BCL9: variants seen among roughly 807,000 people sequenced by gnomAD.
The protein encoded by BCL9 is BCL9 transcription coactivator.
BCL9 carries 25 observed loss-of-function variants against 88.5 expected under a neutral mutation model. The observed-to-expected ratio is 0.28, with a 90% CI of 0.21 to 0.39. The LOEUF (loss-of-function observed/expected upper bound fraction) is 0.39. Among genes scored for constraint, BCL9 ranks in the 10% least tolerant of loss-of-function variants. The probability of loss-of-function intolerance (pLI) is 1.00; values close to 1 mark genes in which losing one functional copy is unlikely to be tolerated. For synonymous variants in BCL9, 711 were observed against 673.3 expected (o/e 1.06, Z -0.87); for missense variants, 1,817 against 1,877.8 (o/e 0.97, Z 0.60).
intron 1 of BCL9, among the ~76,000 whole-genome samples, chr1:147,578,416 A>C (rs1185627789): frequency 2.0e-5 from 3 of 152,228 alleles, no homozygotes; most frequent in African/African-American, 7.2e-5. Context: ...GGAAAAATAA[A>C]ATTACCTTGA....
chr1:147,624,421 C>A lies in BCL9; in HGVS notation c.3743C>A (p.Thr1248Lys). ...RIIPSEKPSQTLQYFPRGEVP... is the reference protein window; with the variant it reads ...RIIPSEKPSQKLQYFPRGEVP... ...ATTCCATCTGAGAAGCCCAGCCAGA[C>A]GCTGCAATATTTCCCTCGAGGGGAA... is the stretch of plus-strand genomic sequence containing the variant. The change falls in exon 10 of 10, where the codon ACG becomes AAG. Residue 1248 changes from threonine (T) to lysine (K), a missense_variant. Thr to Lys is a moderately conservative substitution (Grantham distance 78). Transcript: ENST00000234739. The surrounding 1 kb of genome is among the most constrained non-coding windows in gnomAD (Gnocchi z 4.4). 6.2e-7 allele frequency: 1 copy of A among 1,614,228 alleles called. No individual in the cohort carries two copies. Among genetic ancestry groups the A allele is most frequent in the Non-Finnish European group, 8.5e-7 (1 of 1,180,036 alleles).
At chr1:147,548,434 T>G (rs1553194480) in intron 1 of BCL9, among the ~76,000 whole-genome samples, 2 of 152,196 alleles carry the variant, frequency 1.3e-5, no homozygotes, top group African/African-American at 2.4e-5. Flanking sequence ...CTCCAGCTGC[T>G]CCTTTCAAGA....
intron 9 of BCL9, among the ~76,000 whole-genome samples, chr1:147,622,770 T>C (rs1658710012): frequency 6.6e-6 from 1 of 152,222 alleles, no homozygotes; most frequent in African/African-American, 2.4e-5. Context: ...CTGATGCTTC[T>C]GTGTACCTGG....
At chr1:147,589,387 A>G (rs1214594187) in intron 1 of BCL9, among the ~76,000 whole-genome samples, 2 of 152,276 alleles carry the variant, frequency 1.3e-5, no homozygotes, top group East Asian at 1.9e-4. Flanking sequence ...TAAGTGTATG[A>G]TCTATTGATT....
chr1:147,568,475 C>CAAA (rs1180450905), intron 1 of BCL9, among the ~76,000 whole-genome samples: 41 of 34,700 alleles, frequency 1.2e-3, no homozygotes, highest in South Asian at 1.8e-3. Flanking sequence ...AAAGAAAAAG[C>CAAA]AAAAAAGAAA....
rs1164543246 is a variant in BCL9, at chr1:147,559,606, G to T, written c.-478+17932G>T. 2.6e-5 allele frequency among the ~76,000 whole-genome samples: 4 copies of T among 152,280 alleles called. No homozygotes were observed. The South Asian group carries it at 6.2e-4, about 24-fold the overall frequency. ...CTCTGTCGTGGTTGTACCCATTGTG[G>T]ATTACCTTGATGAAATGCAGAGATG... On this transcript the variant is annotated intron_variant, in intron 1 of 9. Transcript: ENST00000234739.
Position 147,612,963 on chromosome 1 carries a change from A to C in BCL9, c.134A>C (p.Lys45Thr), listed in dbSNP as rs782013659. 1 of 1,613,302 alleles carries C rather than the reference A, an allele frequency of 6.2e-7. No individual in the cohort carries two copies. Among genetic ancestry groups the C allele is most frequent in the East Asian group, 2.2e-5 (1 of 44,878 alleles). ...TCTGGAAACCCCCAGCTGGATTCCA[A>C]ATTCTCCAATCAGGGTAAACAGGGG... ...SPSGNPQLDS[K>T]FSNQGKQGGS... The change falls in exon 5 of 10, where the codon AAA (lysine) becomes ACA (threonine). Residue 45 changes from lysine (K) to threonine (T), a missense_variant. Transcript: ENST00000234739.
At position 147,614,604 on chromosome 1, in the gene BCL9, A is replaced by C; in HGVS notation, c.548A>C (p.Glu183Ala). 1 of 1,611,790 alleles carries C rather than the reference A, an allele frequency of 6.2e-7. No homozygotes were observed. Reference protein sequence around the residue: ...PAKVVYVFSTEMANKAAEAVL... With the variant: ...PAKVVYVFSTAMANKAAEAVL... The stretch of plus-strand genomic sequence containing the variant: ...AAAGTGGTGTACGTGTTTTCTACTG[A>C]GATGGCCAATAAGTAAGTTGATGGC... The change falls in exon 6 of 10, where the codon GAG becomes GCG. Residue 183 changes from glutamate (E) to alanine (A), a missense_variant. By Grantham distance (107) the Glu-to-Ala change is moderately radical. Around this residue, in one of 2 missense-constraint regions of BCL9, gnomAD observed 1,228 missense variants for 1,191.6 expected, o/e 1.03. Coordinates refer to ENST00000234739, the MANE Select transcript of BCL9 (RefSeq NM_004326.4).
intron 9 of BCL9, 67 bp downstream of exon 9, chr1:147,622,598 T>C: frequency 6.3e-7 from 1 of 1,583,386 alleles, no homozygotes; most frequent in Non-Finnish European, 8.6e-7. Context: ...TGAAGCGTTT[T>C]CTCAATGGCT....
At chr1:147,602,418 G>C (rs1437168687) in intron 1 of BCL9, among the ~76,000 whole-genome samples, 1 of 151,972 alleles carries the variant, frequency 6.6e-6, no homozygotes. Flanking sequence ...CACCATGTTG[G>C]CCAGGCTGGT....
intron 1 of BCL9, among the ~76,000 whole-genome samples, chr1:147,551,853 A>T (rs1449050616): frequency 6.6e-6 from 1 of 152,226 alleles, no homozygotes; most frequent in Admixed American, 6.5e-5. Context: ...AGCAGCAGAA[A>T]ATGGACTAAG....
At chr1:147,587,472 A>T (rs1489828793) in intron 1 of BCL9, among the ~76,000 whole-genome samples, 3 of 151,882 alleles carry the variant, frequency 2.0e-5, no homozygotes, top group African/African-American at 4.8e-5. Flanking sequence ...TGTTTTACTC[A>T]CCGTACTAGA....
intron 1 of BCL9, among the ~76,000 whole-genome samples, chr1:147,559,161 C>T (rs1192218564): frequency 2.1e-4 from 1 of 4,734 alleles, no homozygotes; most frequent in South Asian, 0.029. Context: ...GGTCATCTCT[C>T]CTACTTTTTT....
At chr1:147,558,047 A>G (rs1553195648) in intron 1 of BCL9, among the ~76,000 whole-genome samples, 3 of 152,222 alleles carry the variant, frequency 2.0e-5, no homozygotes, top group African/African-American at 4.8e-5. Flanking sequence ...GTCAAACTGT[A>G]TGTATACCAT....
At chr1:147,618,737 C>T (rs587618806) in intron 7 of BCL9, 79 bp from the exon 8 acceptor site, 1 of 1,356,808 alleles carries the variant, frequency 7.4e-7, no homozygotes, top group African/African-American at 1.5e-5. Flanking sequence ...GGGACAATTC[C>T]TTTATAACAT....
At chr1:147,572,390 T>A (rs1655926435) in intron 1 of BCL9, among the ~76,000 whole-genome samples, 1 of 152,236 alleles carries the variant, frequency 6.6e-6, no homozygotes, top group Non-Finnish European at 1.5e-5. Flanking sequence ...CAGAAAAGGT[T>A]CCTAAGAGAC....
chr1:147,566,588 C>G (rs1378519246), intron 1 of BCL9, among the ~76,000 whole-genome samples: 3 of 151,962 alleles, frequency 2.0e-5, no homozygotes, highest in Admixed American at 2.0e-4. Flanking sequence ...AACCCTGTCT[C>G]TACTAAAAAT....
intron 1 of BCL9, among the ~76,000 whole-genome samples, chr1:147,551,207 C>T (rs587598708): frequency 4.6e-5 from 7 of 152,264 alleles, no homozygotes; most frequent in Middle Eastern, 3.4e-3. Context: ...GAGGACACTG[C>T]GGTCTAGAGA....
chr1:147,575,124 T>C (rs1355941959), intron 1 of BCL9, among the ~76,000 whole-genome samples: 3 of 152,200 alleles, frequency 2.0e-5, no homozygotes, highest in Admixed American at 2.0e-4. Flanking sequence ...AATATCAAAT[T>C]CATTAAAACT....
Sources: allele counts gnomAD v4.1 joint callset (sites outside exome capture counted in the v4.1 genomes callset), GRCh38; gene constraint gnomAD v4.1.1; regional missense constraint gnomAD v4.1.1; non-coding constraint Gnocchi (gnomAD v3.1); transcripts MANE v1.5; gene names NCBI Gene and HGNC (gene_info 2026-07-23, HGNC 2026-07-21).